Variants in MPP4 observed in about 807,000 individuals in gnomAD.
MPP4 encodes MAGUK p55 scaffold protein 4, also known as MAGUK p55 subfamily member 4.
Under a neutral mutation model 98.3 loss-of-function variants are expected in MPP4, and 91 were observed. The ratio of observed to expected loss-of-function variants is 0.93; its 90% confidence interval spans 0.78 to 1.10. The LOEUF is 1.10. Ranked by LOEUF, MPP4 falls within the 50% of genes least tolerant of loss-of-function variation. The probability of loss-of-function intolerance (pLI) is 0.00; values close to 1 mark genes in which losing one functional copy is unlikely to be tolerated. For missense variants in MPP4, 744 were observed against 792.9 expected (o/e 0.94, Z 0.74); for synonymous variants, 261 against 271.8 (o/e 0.96, Z 0.39).
chr2:201,671,264 G>C (rs540625413), intron 11 of MPP4, among the ~76,000 whole-genome samples: 5 of 152,184 alleles, frequency 3.3e-5, no homozygotes, highest in Non-Finnish European at 7.3e-5. Context: ...GAGCCAAGTG[G>C]TTTTGCTCAG....
chr2:201,684,957 A>G, intron 7 of MPP4, 107 bp downstream of exon 7: 2 of 909,480 alleles, frequency 2.2e-6, no homozygotes, highest in Non-Finnish European at 3.1e-6. Context: ...CAAAAAAAAA[A>G]AAAGAAAAAA....
In MPP4 at chr2:201,681,001, G is replaced by A; in HGVS notation, c.766C>T (p.Gln256Ter). Reference protein sequence around the residue: ...YVRAMTEYWPQEDPDIPCMDA... With the variant: ...YVRAMTEYWP ...ATGCAGGGGATGTCGGGATCCTCCT[G>A]GGGCCAGTACTCAGTCATGGCACGG... The change falls in exon 10 of 22, where the codon CAG becomes TAG. Residue 256 changes from glutamine to a stop codon, truncating the protein, a stop_gained. Transcript: ENST00000409474. LOFTEE classifies it high-confidence loss of function. 1 of 1,613,820 alleles carries A rather than the reference G, an allele frequency of 6.2e-7. No homozygotes were observed. The highest frequency in any genetic ancestry group is 8.5e-7 in the Non-Finnish European group (1 of 1,179,842).
chr2:201,686,151 A>C, intron 5 of MPP4, 101 bp from the exon 6 acceptor site: 2 of 1,387,562 alleles, frequency 1.4e-6, no homozygotes, highest in Non-Finnish European at 9.8e-7. Flanking sequence ...AACAACAACA[A>C]ACACCAATAC....
chr2:201,665,892 T>C (rs940279312), intron 13 of MPP4: 1 of 152,466 alleles, frequency 6.6e-6, no homozygotes, highest in African/African-American at 2.4e-5. Flanking sequence ...AAAACTTTCA[T>C]GCATGTCTCA....
At chr2:201,693,145 C>T in intron 2 of MPP4, 116 bp from the exon 3 acceptor site, 1 of 1,206,228 alleles carries the variant, frequency 8.3e-7, no homozygotes, top group South Asian at 1.7e-5. Context: ...GACACTGGAT[C>T]TCAGGCCAAA....
chr2:201,698,200 C>T (rs1036673944), intron 1 of MPP4: 7 of 535,662 alleles, frequency 1.3e-5, no homozygotes, highest in African/African-American at 8.3e-5. Flanking sequence ...AACCCCCTAC[C>T]CTTACTATGC....
chr2:201,670,282 G>T (rs984944817), intron 11 of MPP4, among the ~76,000 whole-genome samples: 2 of 152,032 alleles, frequency 1.3e-5, no homozygotes, highest in African/African-American at 2.4e-5. Context: ...TAATTTTTTT[G>T]GGGGGAGGAG....
At chr2:201,663,558 A>G (rs1688084151) in intron 14 of MPP4, among the ~76,000 whole-genome samples, 1 of 152,206 alleles carries the variant, frequency 6.6e-6, no homozygotes, top group African/African-American at 2.4e-5. Context: ...TCTACAAAAA[A>G]TTGAAAAATT....
chr2:201,661,442 G>T (rs1367194615), intron 14 of MPP4: 2 of 456,462 alleles, frequency 4.4e-6, no homozygotes, highest in African/African-American at 4.0e-5. Flanking sequence ...GGTGCTAACT[G>T]TTCCTTAATT....
At chr2:201,677,769 C>G (rs941074231) in intron 10 of MPP4, among the ~76,000 whole-genome samples, 3 of 151,904 alleles carry the variant, frequency 2.0e-5, no homozygotes, top group Non-Finnish European at 2.9e-5. Flanking sequence ...TACAAAATAC[C>G]CAGCTCATTT....
At chr2:201,651,980 A>G (rs962893200) in intron 18 of MPP4, 14 of 960,508 alleles carry the variant, frequency 1.5e-5, no homozygotes, top group South Asian at 4.8e-5. Flanking sequence ...CAGAAAAAAA[A>G]AAAGAAAGAA....
At chr2:201,651,577 TTGAA>T in intron 18 of MPP4, 1 of 985,232 alleles carries the variant, frequency 1.0e-6, no homozygotes, top group Non-Finnish European at 1.2e-6. Context: ...TTTTCTCACT[TTGAA>T]TGATTAAAAA....
chr2:201,680,861 G>C lies in MPP4; in HGVS notation c.906C>G (p.Val302=), dbSNP rs769658415. The C allele has an allele frequency of 2.5e-6, 4 of 1,613,262 alleles. No individual in the cohort carries two copies. Among genetic ancestry groups the C allele is most frequent in the Non-Finnish European group, 2.5e-6 (3 of 1,179,626 alleles). ...ISDPATCAGL[V]PSNHLLKRKQ... ...ACCTCTTCAGAAGGTGGTTAGAAGGGACAAGCCCAGCGCAGGTAGCAGGGT... is the reference window on the plus strand; with the variant it reads ...ACCTCTTCAGAAGGTGGTTAGAAGGCACAAGCCCAGCGCAGGTAGCAGGGT... Residue 302 remains valine, a synonymous_variant, in exon 10 of 22, where the codon GTC becomes GTG. Transcript: ENST00000409474.
chr2:201,684,746 T>G (rs2015946), intron 7 of MPP4, among the ~76,000 whole-genome samples: 13 of 151,566 alleles, frequency 8.6e-5, no homozygotes, highest in Admixed American at 6.6e-4. Flanking sequence ...GTCGGGAGAT[T>G]GAGACCATCC....
chr2:201,661,971 A>G (rs550485066), intron 14 of MPP4: 53 of 318,314 alleles, frequency 1.7e-4, no homozygotes, highest in African/African-American at 1.0e-3. Context: ...TAAATAATCA[A>G]TTAAATTATT....
chr2:201,652,218 G>A (rs1687732998), intron 18 of MPP4: 2 of 153,918 alleles, frequency 1.3e-5, no homozygotes, highest in East Asian at 3.9e-4. Context: ...CAGCACTTTG[G>A]GAGGCTGAGG....
At chr2:201,681,394 G>A in intron 9 of MPP4, 102 bp downstream of exon 9, 3 of 1,027,858 alleles carry the variant, frequency 2.9e-6, no homozygotes, top group Non-Finnish European at 3.0e-6. Flanking sequence ...CTTGAATCCA[G>A]GTCCAACACA....
rs1325153406 is a variant in MPP4 at position 201,660,347 on chromosome 2, C to G, written c.1073-1G>C. 2 of 1,613,268 alleles carry G rather than the reference C, an allele frequency of 1.2e-6. No individual in the cohort carries two copies. Among genetic ancestry groups the G allele is most frequent in the East Asian group, 4.5e-5 (2 of 44,876 alleles). On this transcript the variant is annotated splice_acceptor_variant, in intron 14 of 21. Coordinates refer to ENST00000409474, the MANE Select transcript of MPP4 (RefSeq NM_033066.3). LOFTEE classifies it high-confidence loss of function. ...AAACAATTACCTTCTGAAAGTTCCT[C>G]TGGATATTTGGGTAAGTGCAGAAAC...
intron 17 of MPP4, among the ~76,000 whole-genome samples, chr2:201,655,118 A>G (rs552009063): frequency 1.3e-5 from 2 of 152,200 alleles, no homozygotes; most frequent in Non-Finnish European, 2.9e-5. Flanking sequence ...AGTAATCCAC[A>G]TTGTTTCAAC....
Sources: gnomAD v4.1 joint callset for allele counts (sites outside exome capture counted in the v4.1 genomes callset) on GRCh38, gnomAD v4.1.1 for gene constraint, MANE v1.5 for transcripts, NCBI Gene and HGNC (gene_info 2026-07-23, HGNC 2026-07-21) for gene names.